The following IQSEC1 variants were observed in gnomAD, a reference collection of about 807,000 sequenced individuals.
IQSEC1 encodes IQ motif and SEC7 domain-containing protein 1.
IQSEC1 carries 31 observed loss-of-function variants against 91.0 expected under a neutral mutation model. The observed-to-expected ratio is 0.34, with a 90% CI of 0.26 to 0.46. The LOEUF is 0.46. Ranked by LOEUF, IQSEC1 falls within the 20% of genes least tolerant of loss-of-function variation. The pLI, the probability that IQSEC1 is intolerant of heterozygous loss-of-function variation, is 1.00. For synonymous variants in IQSEC1, 699 were observed against 662.6 expected, an observed-to-expected ratio of 1.05 and a Z score of -0.84; for missense variants, 1,388 against 1,575.6, an observed-to-expected ratio of 0.88 and a Z score of 2.02.
intron 2 of IQSEC1, among the ~76,000 whole-genome samples, chr3:13,145,087 G>T (rs543165319): frequency 2.6e-5 from 4 of 152,140 alleles, no homozygotes; most frequent in Non-Finnish European, 4.4e-5. Context: ...TGTGAAGGGT[G>T]GGGGGGCTGG....
At chr3:12,978,421 G>C (rs1057267414) in intron 1 of IQSEC1, among the ~76,000 whole-genome samples, 2 of 152,182 alleles carry the variant, frequency 1.3e-5, no homozygotes. Flanking sequence ...GCACAGGGCC[G>C]GGCGCGGTGG....
rs139019686 is a variant in IQSEC1, at chr3:13,186,910, G to A, written c.273-22777C>T. On this transcript the variant is annotated intron_variant, in intron 1 of 15. Transcript: ENST00000648114. ...AGAATCTAAAGGCCCTGAAGCCTTC[G>A]GATGAGGAAAGAGCACACTGTCTGC... is the stretch of plus-strand genomic sequence containing the variant. Among the ~76,000 whole-genome samples the A allele has an allele frequency of 2.4e-3, 363 of 152,186 alleles. 2 individuals carry two copies. Among genetic ancestry groups the A allele is most frequent in the African/African-American group, 8.3e-3 (346 of 41,524 alleles).
At chr3:12,951,577 C>T (rs564716949) in intron 1 of IQSEC1, among the ~76,000 whole-genome samples, 7 of 152,310 alleles carry the variant, frequency 4.6e-5, no homozygotes, top group South Asian at 2.1e-4. Context: ...TAGTCTTGAG[C>T]GGAGGCAGCA....
At chr3:13,021,355 C>A (rs562520647) in intron 1 of IQSEC1, among the ~76,000 whole-genome samples, 2 of 152,334 alleles carry the variant, frequency 1.3e-5, no homozygotes, top group African/African-American at 4.8e-5. Context: ...TTCCAGATAC[C>A]CCCACCACCC....
intron 1 of IQSEC1, among the ~76,000 whole-genome samples, chr3:13,216,644 C>T (rs1466024466): frequency 6.6e-5 from 10 of 152,144 alleles, no homozygotes; most frequent in Non-Finnish European, 1.3e-4. Flanking sequence ...ACTGATCTCC[C>T]ATCAGTAAAC....
At chr3:13,148,554 TTTG>T (rs1459996938) in intron 2 of IQSEC1, among the ~76,000 whole-genome samples, 7 of 152,272 alleles carry the variant, frequency 4.6e-5, no homozygotes, top group South Asian at 2.1e-4. Flanking sequence ...GGGTTTTTGT[TTTG>T]TTTTGTTTTT....
intron 1 of IQSEC1, among the ~76,000 whole-genome samples, chr3:13,016,394 A>G (rs372904363): frequency 2.0e-5 from 3 of 151,944 alleles, no homozygotes; most frequent in Non-Finnish European, 2.9e-5. Context: ...CCTGCCCCCA[A>G]CGCCCCACCA....
intron 2 of IQSEC1, among the ~76,000 whole-genome samples, chr3:13,118,299 C>T (rs1706368757): frequency 6.6e-6 from 1 of 152,192 alleles, no homozygotes; most frequent in South Asian, 2.1e-4. Context: ...TTTAGCAATT[C>T]TACTTCTGGG....
chr3:13,184,347 A>G (rs990388490), intron 1 of IQSEC1, among the ~76,000 whole-genome samples: 14 of 152,214 alleles, frequency 9.2e-5, no homozygotes, highest in African/African-American at 3.1e-4. Context: ...CCACAAACTA[A>G]AGAAGAAAAA....
intron 1 of IQSEC1, among the ~76,000 whole-genome samples, chr3:13,039,391 C>T (rs555337908): frequency 6.6e-6 from 1 of 152,310 alleles, no homozygotes; most frequent in African/African-American, 2.4e-5. Flanking sequence ...CCTGGCACAC[C>T]CTGTGTTTAG....
intron 1 of IQSEC1, among the ~76,000 whole-genome samples, chr3:13,258,544 G>C (rs765069755): frequency 6.6e-6 from 1 of 151,880 alleles, no homozygotes; most frequent in Non-Finnish European, 1.5e-5. Flanking sequence ...AAATTAGCCG[G>C]ACATGGTGGT....
intron 1 of IQSEC1, among the ~76,000 whole-genome samples, chr3:12,944,562 C>T (rs577677693): frequency 1.1e-4 from 16 of 152,310 alleles, no homozygotes; most frequent in South Asian, 2.1e-4. Context: ...CCCTCCGGCT[C>T]GCCTCGTCTT....
Position 12,899,264 on chromosome 3 carries a change from A to G in IQSEC1, c.*1719T>C, listed in dbSNP as rs1165879065. Reference sequence around the variant, plus strand: ...TCCCCTCTCCTCCTGCCGTCCGGCCACGGCTCACCACGCTGTCCACTGGGA... The same window carrying G: ...TCCCCTCTCCTCCTGCCGTCCGGCCGCGGCTCACCACGCTGTCCACTGGGA... On this transcript the variant is annotated 3_prime_UTR_variant, in exon 14 of 14. Transcript: ENST00000613206. 2 of 1,079,804 alleles carry G rather than the reference A, an allele frequency of 1.9e-6. No homozygotes were observed. The allele number at this position is 1,079,804 out of a possible 1,614,324, so 66.9% of individuals were successfully genotyped here.
At chr3:13,088,887 C>T (rs530550170) in intron 2 of IQSEC1, among the ~76,000 whole-genome samples, 1 of 152,326 alleles carries the variant, frequency 6.6e-6, no homozygotes, top group East Asian at 1.9e-4. Flanking sequence ...ACACCTCCTG[C>T]TAGGCTAAGT....
chr3:13,205,254 C>T (rs985822518), intron 1 of IQSEC1, among the ~76,000 whole-genome samples: 2 of 152,058 alleles, frequency 1.3e-5, no homozygotes, highest in African/African-American at 4.8e-5. Flanking sequence ...AATTGGACCC[C>T]CTAAACCACA....
At chr3:13,063,362 C>T (rs1041211180) in intron 1 of IQSEC1, among the ~76,000 whole-genome samples, 1 of 152,242 alleles carries the variant, frequency 6.6e-6, no homozygotes, top group Non-Finnish European at 1.5e-5. Flanking sequence ...GTTGACTGGT[C>T]CATTTTTGTC....
At chr3:13,062,968 G>A (rs1045065332) in intron 1 of IQSEC1, among the ~76,000 whole-genome samples, 1 of 152,226 alleles carries the variant, frequency 6.6e-6, no homozygotes, top group Non-Finnish European at 1.5e-5. Context: ...TCCTTCGGAG[G>A]TCGGGCCAGT....
At chr3:13,043,799 C>T (rs758358252) in intron 1 of IQSEC1, among the ~76,000 whole-genome samples, 4 of 152,202 alleles carry the variant, frequency 2.6e-5, no homozygotes, top group Admixed American at 2.0e-4. Context: ...ACACTCACCC[C>T]CTCTGGCCGC....
intron 2 of IQSEC1, among the ~76,000 whole-genome samples, chr3:13,148,280 G>A (rs1458408752): frequency 6.6e-6 from 1 of 152,130 alleles, no homozygotes; most frequent in Admixed American, 6.5e-5. Flanking sequence ...CACAGAGGGA[G>A]GGAGGAGGGA....
Sources: gnomAD v4.1 joint callset for allele counts (sites outside exome capture counted in the v4.1 genomes callset) on GRCh38, gnomAD v4.1.1 for gene constraint, MANE v1.5 for transcripts, NCBI Gene and HGNC (gene_info 2026-07-23, HGNC 2026-07-21) for gene names.